The following AGBL1 variants were observed in gnomAD, a reference collection of about 807,000 sequenced individuals.
The protein encoded by AGBL1 is cytosolic carboxypeptidase 4.
AGBL1 carries 130 observed loss-of-function variants against 118.9 expected under a neutral mutation model. The observed-to-expected ratio is 1.09, with a 90% confidence interval of 0.95 to 1.26. The LOEUF (loss-of-function observed/expected upper bound fraction) is 1.26. Among genes scored for constraint, AGBL1 ranks in the 50% most tolerant of loss-of-function variants. The pLI is 0.00. For missense variants in AGBL1, 1,584 were observed against 1,298.1 expected (o/e 1.22, Z -3.38); for synonymous variants, 555 against 478.9 (o/e 1.16, Z -2.08).
At chr15:86,995,820 G>C (rs1318954349) in intron 24 of AGBL1, among the ~76,000 whole-genome samples, 3 of 152,084 alleles carry the variant, frequency 2.0e-5, no homozygotes, top group Non-Finnish European at 4.4e-5. Flanking sequence ...GGAATTTTTA[G>C]TCATCTTTTC....
At chr15:86,260,584 C>T (rs769153769) in intron 9 of AGBL1, among the ~76,000 whole-genome samples, 5 of 151,916 alleles carry the variant, frequency 3.3e-5, no homozygotes, top group Non-Finnish European at 7.4e-5. Flanking sequence ...GGGTATGATC[C>T]GTATGCAACA....
intron 18 of AGBL1, among the ~76,000 whole-genome samples, chr15:86,495,739 A>G (rs2142150995): frequency 6.6e-6 from 1 of 152,144 alleles, no homozygotes; most frequent in Admixed American, 6.6e-5. Flanking sequence ...TTTAATAAAT[A>G]TTCAATATAT....
At chr15:86,300,252 C>G (rs941213359) in intron 17 of AGBL1, among the ~76,000 whole-genome samples, 19 of 152,158 alleles carry the variant, frequency 1.2e-4, no homozygotes, top group Admixed American at 8.5e-4. Flanking sequence ...ATTGCTCTCA[C>G]AACCTCGCAT....
At chr15:86,664,295 C>T (rs745500277) in intron 21 of AGBL1, among the ~76,000 whole-genome samples, 14 of 152,130 alleles carry the variant, frequency 9.2e-5, no homozygotes, top group Admixed American at 3.9e-4. Flanking sequence ...TTGTTGGGGT[C>T]GATAAGTGGA....
At chr15:86,457,928 T>G (rs1159231282) in intron 18 of AGBL1, among the ~76,000 whole-genome samples, 1 of 152,182 alleles carries the variant, frequency 6.6e-6, no homozygotes, top group Non-Finnish European at 1.5e-5. Flanking sequence ...TTGGCCTCTT[T>G]CAACTGTCAG....
intron 22 of AGBL1, among the ~76,000 whole-genome samples, chr15:86,721,974 G>C (rs1440891346): frequency 2.0e-5 from 3 of 152,082 alleles, no homozygotes; most frequent in Non-Finnish European, 4.4e-5. Flanking sequence ...TCTTCAAGGA[G>C]AACTACAAAC....
intron 22 of AGBL1, among the ~76,000 whole-genome samples, chr15:86,780,441 C>G (rs1596474591): frequency 6.6e-6 from 1 of 152,034 alleles, no homozygotes; most frequent in African/African-American, 2.4e-5. Flanking sequence ...TATTACTTTG[C>G]CTTTTCTTGG....
chr15:86,247,759 C>T lies in AGBL1; in HGVS notation c.615C>T (p.Asn205=), dbSNP rs79994825. ...ACTGGCACAGCCATGACACAGCCAACGCCTACGTGCAGATCCGACGGGGCT... is the reference window on the plus strand; with the variant it reads ...ACTGGCACAGCCATGACACAGCCAATGCCTACGTGCAGATCCGACGGGGCT... The part of the protein sequence containing the change: ...HQDWHSHDTA[N]AYVQIRRGLL... Residue 205 remains asparagine, a synonymous_variant, in exon 7 of 23, where the codon AAC becomes AAT. Coordinates refer to ENST00000614907, the MANE Select transcript of AGBL1 (RefSeq NM_001386094.1). The T allele has an allele frequency of 3.9e-3, 6,290 of 1,613,908 alleles. 178 individuals carry two copies. The South Asian group carries it at 0.049, about 13-fold the overall frequency.
At position 86,560,203 on chromosome 15, in the gene AGBL1, C is replaced by T. The variant is rs574012316; in HGVS notation, c.2994+5666C>T. Among the ~76,000 whole-genome samples the T allele has an allele frequency of 1.4e-3, 212 of 151,880 alleles. 6 individuals are homozygous for T. The South Asian group carries it at 0.043, about 31-fold the overall frequency. On this transcript the variant is annotated intron_variant, in intron 21 of 22. Transcript: ENST00000614907. ...ATGTGCACAACAGGCAGGTTTGTTACATATGTATACATGTGCCATGTTGGT... is the reference window on the plus strand; with the variant it reads ...ATGTGCACAACAGGCAGGTTTGTTATATATGTATACATGTGCCATGTTGGT...
At chr15:86,776,994 T>C (rs1567168938) in intron 22 of AGBL1, among the ~76,000 whole-genome samples, 1 of 152,066 alleles carries the variant, frequency 6.6e-6, no homozygotes, top group African/African-American at 2.4e-5. Flanking sequence ...TTTTTTCTTC[T>C]ATACATTTTT....
In AGBL1 at chr15:87,022,950, C is replaced by T. The variant is rs558947714; in HGVS notation, c.3324-5875C>T. ...TACCATGCCACCACTACAAGAACTG[C>T]TTTTCAAAAAGTGCTCTAAATTTTG... On this transcript the variant is annotated intron_variant, in intron 24 of 24. Coordinates refer to the AGBL1 transcript ENST00000441037. 7.9e-5 allele frequency among the ~76,000 whole-genome samples: 12 copies of T among 152,086 alleles called. 1 individual carries two copies. In the South Asian group the frequency reaches 2.5e-3, roughly 32 times the overall value.
intron 17 of AGBL1, among the ~76,000 whole-genome samples, chr15:86,322,676 A>G (rs1343503189): frequency 1.3e-5 from 2 of 152,194 alleles, no homozygotes; most frequent in Non-Finnish European, 2.9e-5. Flanking sequence ...GTTAAGTTAT[A>G]TTCCTGAGAG....
At chr15:86,204,734 C>T (rs1471043373) in intron 5 of AGBL1, among the ~76,000 whole-genome samples, 8 of 152,102 alleles carry the variant, frequency 5.3e-5, no homozygotes, top group Admixed American at 2.0e-4. Context: ...GGACTACAGG[C>T]GTGCACCACC....
intron 22 of AGBL1, among the ~76,000 whole-genome samples, chr15:86,753,847 T>G (rs1340007700): frequency 2.0e-5 from 3 of 152,142 alleles, no homozygotes; most frequent in Admixed American, 2.0e-4. Flanking sequence ...CTCCCTTGCT[T>G]AGATGCAGGT....
chr15:87,013,885 C>T (rs1349502650), intron 24 of AGBL1, among the ~76,000 whole-genome samples: 4 of 152,148 alleles, frequency 2.6e-5, no homozygotes, highest in African/African-American at 9.7e-5. Context: ...GGGCTTTGAA[C>T]ATAGACACAC....
intron 21 of AGBL1, among the ~76,000 whole-genome samples, chr15:86,652,170 C>A (rs1231813240): frequency 6.6e-6 from 1 of 152,108 alleles, no homozygotes; most frequent in Non-Finnish European, 1.5e-5. Context: ...ATTTAAATGT[C>A]ATTTTAGGGT....
intron 21 of AGBL1, among the ~76,000 whole-genome samples, chr15:86,634,238 T>G (rs1567094358): frequency 6.6e-6 from 1 of 152,084 alleles, no homozygotes; most frequent in Non-Finnish European, 1.5e-5. Context: ...AGTGAAAACA[T>G]ATGTCCACAC....
At chr15:86,200,835 C>G (rs1331899969) in intron 5 of AGBL1, among the ~76,000 whole-genome samples, 3 of 151,944 alleles carry the variant, frequency 2.0e-5, no homozygotes, top group Non-Finnish European at 4.4e-5. Context: ...AGGCTGGTCT[C>G]CAACTCCTGA....
At chr15:86,556,396 C>A in intron 21 of AGBL1, 2 of 922,740 alleles carry the variant, frequency 2.2e-6, no homozygotes, top group Admixed American at 2.2e-5. Flanking sequence ...CAGTGCCAGA[C>A]CTGGTTTTGG....
Sources: gnomAD v4.1 joint callset for allele counts (sites outside exome capture counted in the v4.1 genomes callset) on GRCh38, gnomAD v4.1.1 for gene constraint, MANE v1.5 for transcripts, NCBI Gene and HGNC (gene_info 2026-07-23, HGNC 2026-07-21) for gene names.